The following ROBO2 variants were observed in gnomAD, a reference collection of about 807,000 sequenced individuals.
ROBO2 encodes roundabout homolog 2.
Under a neutral mutation model 160.8 loss-of-function variants are expected in ROBO2, and 53 were observed. The observed-to-expected ratio is 0.33, with a 90% confidence interval of 0.26 to 0.41. The LOEUF (loss-of-function observed/expected upper bound fraction) is 0.41, where lower values mean the gene tolerates loss of function less well. Ranked by LOEUF, ROBO2 falls within the 10% of genes least tolerant of loss-of-function variation. The probability of loss-of-function intolerance (pLI) is 1.00; values close to 1 mark genes in which losing one functional copy is unlikely to be tolerated. For synonymous variants in ROBO2, 664 were observed against 611.7 expected, an observed-to-expected ratio of 1.09 and a Z score of -1.26; for missense variants, 1,577 against 1,722.4, an observed-to-expected ratio of 0.92 and a Z score of 1.49.
intron 2 of ROBO2, among the ~76,000 whole-genome samples, chr3:76,194,624 AT>A (rs746844898): frequency 3.9e-3 from 554 of 141,006 alleles, no homozygotes; most frequent in Admixed American, 3.7e-3. Flanking sequence ...CTTTAATGTG[AT>A]TTTTTTTTTT....
intron 2 of ROBO2, among the ~76,000 whole-genome samples, chr3:76,384,486 T>A (rs879418393): frequency 2.0e-5 from 3 of 152,174 alleles, no homozygotes; most frequent in Non-Finnish European, 4.4e-5. Flanking sequence ...GGGAGTCTGT[T>A]AAGCTTTAAA....
At chr3:76,789,016 G>T (rs2063177230) in intron 2 of ROBO2, among the ~76,000 whole-genome samples, 1 of 151,470 alleles carries the variant, frequency 6.6e-6, no homozygotes, top group African/African-American at 2.4e-5. Flanking sequence ...ACACCTGGGT[G>T]TTAAACATTT....
intron 2 of ROBO2, among the ~76,000 whole-genome samples, chr3:76,947,366 A>C (rs1046159350): frequency 6.6e-6 from 1 of 152,142 alleles, no homozygotes; most frequent in Admixed American, 6.5e-5. Flanking sequence ...TGTTGGAACA[A>C]AGGTTTTCCT....
chr3:76,943,176 G>A (rs1330941678), intron 2 of ROBO2, among the ~76,000 whole-genome samples: 2 of 152,152 alleles, frequency 1.3e-5, no homozygotes. Context: ...TTGACTTTGA[G>A]TTGGTCCTTT....
chr3:76,260,175 C>T lies in ROBO2; in HGVS notation c.109+322573C>T, dbSNP rs140404695. On this transcript the variant is annotated intron_variant, in intron 2 of 26. Transcript: ENST00000487694. ...GGTGAGGAGCAAGGATAAGTGTATG[C>T]GGAATCCCAGTGCTGATATGCGAGA... is the stretch of plus-strand genomic sequence containing the variant. 2.4e-3 allele frequency among the ~76,000 whole-genome samples: 371 copies of T among 152,156 alleles called. 1 individual carries two copies. The highest frequency in any genetic ancestry group is 8.0e-3 in the African/African-American group (332 of 41,512).
At chr3:77,602,415 G>T in exon 20 of ROBO2, 1 of 1,614,050 alleles carries the variant, frequency 6.2e-7, no homozygotes, top group South Asian at 1.1e-5. Flanking sequence ...ATCCACAATG[G>T]AAAAGCTCAA....
chr3:76,287,679 C>T (rs963229322), intron 2 of ROBO2, among the ~76,000 whole-genome samples: 1 of 152,184 alleles, frequency 6.6e-6, no homozygotes, highest in African/African-American at 2.4e-5. Context: ...GGTACATTCT[C>T]TAAAGCCACA....
At chr3:77,561,561 G>A (rs953938918) in intron 9 of ROBO2, among the ~76,000 whole-genome samples, 37 of 152,178 alleles carry the variant, frequency 2.4e-4, no homozygotes, top group Admixed American at 2.2e-3. Context: ...AACTTTTTCT[G>A]AAAGTCCTTT....
intron 2 of ROBO2, among the ~76,000 whole-genome samples, chr3:76,229,403 A>G (rs1369578957): frequency 3.1e-5 from 4 of 130,278 alleles, no homozygotes; most frequent in African/African-American, 9.8e-5. Flanking sequence ...ATTTTCTATT[A>G]GTTGTATCAT....
chr3:76,761,688 GA>G (rs1396712909), intron 2 of ROBO2, among the ~76,000 whole-genome samples: 1 of 151,688 alleles, frequency 6.6e-6, no homozygotes, highest in Non-Finnish European at 1.5e-5. Context: ...GTGGTCTTCT[GA>G]AAATGTGAAT....
chr3:77,364,840 A>T (rs553678653), intron 2 of ROBO2, among the ~76,000 whole-genome samples: 22 of 152,304 alleles, frequency 1.4e-4, no homozygotes, highest in African/African-American at 5.1e-4. Flanking sequence ...ATAGATTAAT[A>T]GGAGAAAAGT....
At chr3:76,494,059 C>A in intron 2 of ROBO2, among the ~76,000 whole-genome samples, 1 of 152,074 alleles carries the variant, frequency 6.6e-6, no homozygotes, top group Non-Finnish European at 1.5e-5. Context: ...CACAGCAGCA[C>A]CAACCACAAT....
chr3:76,118,301 G>C (rs2675410), intron 2 of ROBO2, among the ~76,000 whole-genome samples: 2,731 of 152,222 alleles, frequency 0.018, 95 homozygotes, highest in African/African-American at 0.063. Flanking sequence ...AATACTACTT[G>C]GAGCACTGCT....
At chr3:76,868,462 A>G (rs1237863739) in intron 2 of ROBO2, among the ~76,000 whole-genome samples, 1 of 152,208 alleles carries the variant, frequency 6.6e-6, no homozygotes, top group Non-Finnish European at 1.5e-5. Flanking sequence ...TCATTAATAC[A>G]TTAAAATTTA....
At chr3:76,782,861 GTAGTAAT>G (rs1279148734) in intron 2 of ROBO2, among the ~76,000 whole-genome samples, 1 of 150,622 alleles carries the variant, frequency 6.6e-6, no homozygotes, top group Non-Finnish European at 1.5e-5. Context: ...ATTTGCATTT[GTAGTAAT>G]TAGTTATTAT....
At chr3:77,046,207 A>G (rs2064652212) in intron 1 of ROBO2, among the ~76,000 whole-genome samples, 1 of 152,236 alleles carries the variant, frequency 6.6e-6, no homozygotes, top group Non-Finnish European at 1.5e-5. Flanking sequence ...TTACATTGCC[A>G]TTAGCAATAT....
At chr3:76,022,828 C>T (rs1206723895) in intron 2 of ROBO2, among the ~76,000 whole-genome samples, 1 of 151,660 alleles carries the variant, frequency 6.6e-6, no homozygotes, top group East Asian at 1.9e-4. Context: ...AGAGTGTCAC[C>T]CTGTCCTTTG....
At chr3:76,389,555 CTCT>C (rs2077050257) in intron 2 of ROBO2, among the ~76,000 whole-genome samples, 1 of 152,306 alleles carries the variant, frequency 6.6e-6, no homozygotes, top group South Asian at 2.1e-4. Flanking sequence ...TGCATGTGCA[CTCT>C]TCAGCCTATG....
chr3:77,576,272 A>T (rs1163543527), intron 14 of ROBO2, among the ~76,000 whole-genome samples: 1 of 152,086 alleles, frequency 6.6e-6, no homozygotes, highest in Non-Finnish European at 1.5e-5. Flanking sequence ...ATCTCAATGC[A>T]AATATGGCTA....
Sources: allele counts gnomAD v4.1 joint callset (sites outside exome capture counted in the v4.1 genomes callset), GRCh38; gene constraint gnomAD v4.1.1; transcripts MANE v1.5; gene names NCBI Gene and HGNC (gene_info 2026-07-23, HGNC 2026-07-21).